ZNF469: variants seen among roughly 807,000 people sequenced by gnomAD.
ZNF469 encodes zinc finger protein 469.
A neutral mutation model predicts 1.0 loss-of-function variants in ZNF469; 1 was observed. That is an observed-to-expected ratio of 1.00 (90% CI 0.35 to 4.73). The LOEUF (loss-of-function observed/expected upper bound fraction) is 4.73. Among genes scored for constraint, ZNF469 ranks in the 30% most tolerant of loss-of-function variants. ZNF469 has a pLI of 0.16. For missense variants in ZNF469, 6,100 were observed against 5,356.3 expected (o/e 1.14, Z -4.33); for synonymous variants, 2,703 against 2,363.4 (o/e 1.14, Z -4.17).
chr16:88,166,676 C>T, the ZNF469 span, among the ~76,000 whole-genome samples: 2 of 151,876 alleles, frequency 1.3e-5, no homozygotes, highest in East Asian at 1.9e-4. This position sits in a 1 kb window ranked among gnomAD's most constrained non-coding sequence, Gnocchi z 4.5. Context: ...CCATCGATAG[C>T]GCCACTGGGT....
chr16:88,160,867 G>A, the ZNF469 span, among the ~76,000 whole-genome samples: 819 of 152,350 alleles, frequency 5.4e-3, 10 homozygotes, highest in African/African-American at 0.019. Context: ...TAAAGGCCAG[G>A]TGCGATGGCT....
chr16:88,256,481 T>C, the ZNF469 span, among the ~76,000 whole-genome samples: 1 of 152,222 alleles, frequency 6.6e-6, no homozygotes, highest in Non-Finnish European at 1.5e-5. Flanking sequence ...TGCTCCCACA[T>C]TTTGGCCACA....
At chr16:88,422,465 TGATG>T (rs1269640095) in intron 1 of ZNF469, among the ~76,000 whole-genome samples, 4 of 74,490 alleles carry the variant, frequency 5.4e-5, no homozygotes, top group Non-Finnish European at 1.1e-4. Flanking sequence ...GGTGGATGGG[TGATG>T]GATGGATGGG....
At chr16:88,128,524 T>C in the ZNF469 span, among the ~76,000 whole-genome samples, 2 of 152,268 alleles carry the variant, frequency 1.3e-5, no homozygotes, top group Admixed American at 1.3e-4. Context: ...GCTTAGAGGG[T>C]GCTCCACCTG....
chr16:88,414,472 G>A (rs1001935130), intron 1 of ZNF469, among the ~76,000 whole-genome samples: 1 of 152,252 alleles, frequency 6.6e-6, no homozygotes, highest in African/African-American at 2.4e-5. Flanking sequence ...GGATGCTGTG[G>A]CGCCGGGATT....
At chr16:88,229,640 T>TGGATGTAACGC in the ZNF469 span, among the ~76,000 whole-genome samples, 4 of 125,590 alleles carry the variant, frequency 3.2e-5, no homozygotes, top group Middle Eastern at 4.2e-3. Flanking sequence ...ATGTCACGTG[T>TGGATGTAACGC]GTGTGCTGAT....
chr16:88,250,089 A>T, the ZNF469 span, among the ~76,000 whole-genome samples: 1 of 152,278 alleles, frequency 6.6e-6, no homozygotes, highest in South Asian at 2.1e-4. Flanking sequence ...ATGTATGTGC[A>T]GAAAAGCGAA....
chr16:88,108,196 T>C, the ZNF469 span, among the ~76,000 whole-genome samples: 1 of 128,760 alleles, frequency 7.8e-6, no homozygotes. Flanking sequence ...TGCACATCTC[T>C]GGGGATCCCA....
At chr16:88,329,186 G>A in the ZNF469 span, among the ~76,000 whole-genome samples, 1 of 152,212 alleles carries the variant, frequency 6.6e-6, no homozygotes. Flanking sequence ...GAGCTGGGGA[G>A]TAACACGGCC....
chr16:88,353,513 C>T, the ZNF469 span, among the ~76,000 whole-genome samples: 4 of 152,220 alleles, frequency 2.6e-5, no homozygotes. Context: ...GGCCTTTGCG[C>T]ACAACGCCCT....
chr16:88,126,190 A>C, the ZNF469 span, among the ~76,000 whole-genome samples: 306 of 135,238 alleles, frequency 2.3e-3, 1 homozygote, highest in African/African-American at 8.7e-3. Flanking sequence ...CTCCATCCCA[A>C]AAAAAAAAAA....
Position 88,433,516 on chromosome 16 carries a change from G to A in ZNF469, c.6046G>A (p.Ala2016Thr), listed in dbSNP as rs368679510. 2.1e-5 allele frequency: 32 copies of A among 1,550,258 alleles called. No homozygotes were observed. Among genetic ancestry groups the A allele is most frequent in the Middle Eastern group, 1.7e-4 (1 of 6,012 alleles). ...GVSPGGTDNH[A>T]SVNASPKTAL... is the part of the protein sequence containing the mutation. ...GAGCCCAGGGGGCACGGACAACCACGCCTCAGTCAATGCCAGTCCCAAAAC... is the reference window on the plus strand; with the variant it reads ...GAGCCCAGGGGGCACGGACAACCACACCTCAGTCAATGCCAGTCCCAAAAC... Residue 2016 changes from alanine to threonine, a missense_variant, in exon 3 of 3, where the codon GCC becomes ACC. Coordinates refer to ENST00000565624, the MANE Select transcript of ZNF469 (RefSeq NM_001367624.2).
At chr16:88,251,007 A>G in the ZNF469 span, among the ~76,000 whole-genome samples, 1 of 152,064 alleles carries the variant, frequency 6.6e-6, no homozygotes, top group Non-Finnish European at 1.5e-5. Context: ...CCTCCCAAGT[A>G]GCTGGGACTA....
At chr16:88,200,379 C>G in the ZNF469 span, among the ~76,000 whole-genome samples, 1 of 152,202 alleles carries the variant, frequency 6.6e-6, no homozygotes, top group Non-Finnish European at 1.5e-5. Context: ...GCTGAGAAAC[C>G]ACACGCTCCA....
chr16:88,158,761 G>C, the ZNF469 span, among the ~76,000 whole-genome samples: 1 of 143,042 alleles, frequency 7.0e-6, no homozygotes, highest in African/African-American at 2.6e-5. Flanking sequence ...CCTCCCTGGC[G>C]GGAAGCCAGG....
At chr16:88,293,124 A>AGAT in the ZNF469 span, among the ~76,000 whole-genome samples, 14 of 150,326 alleles carry the variant, frequency 9.3e-5, no homozygotes, top group Non-Finnish European at 2.1e-4. Context: ...GTGCACGAAT[A>AGAT]GATGCATGGA....
rs536657800 is a variant in ZNF469, at chr16:88,437,375, C to T, written c.9905C>T (p.Pro3302Leu). ...ACCGCCCTGGCTGACGCCGGCAGCCCGGGCCCCCCCAGGACGACCCCCAGC... is the reference window on the plus strand; with the variant it reads ...ACCGCCCTGGCTGACGCCGGCAGCCTGGGCCCCCCCAGGACGACCCCCAGC... ...SATALADAGS[P>L]GPPRTTPSPS... Residue 3302 changes from proline to leucine, a missense_variant, in exon 3 of 3, where the codon CCG becomes CTG. By Grantham distance (98) the Pro-to-Leu change is moderately conservative. Coordinates refer to ENST00000565624, the MANE Select transcript of ZNF469 (RefSeq NM_001367624.2). The T allele has an allele frequency of 4.5e-6, 7 of 1,538,792 alleles. No individual in the cohort carries two copies. The South Asian group carries it at 6.0e-5, about 13-fold the overall frequency.
At chr16:88,247,212 G>C in the ZNF469 span, among the ~76,000 whole-genome samples, 1 of 151,536 alleles carries the variant, frequency 6.6e-6, no homozygotes, top group African/African-American at 2.4e-5. Flanking sequence ...ATGAGTGAGG[G>C]AATAAGTGAG....
the ZNF469 span, among the ~76,000 whole-genome samples, chr16:88,297,322 G>A: frequency 2.0e-5 from 3 of 152,290 alleles, no homozygotes; most frequent in South Asian, 4.1e-4. Flanking sequence ...GCAGGGTCCC[G>A]CCAGGGATGA....
Sources: gnomAD v4.1 joint callset for allele counts (sites outside exome capture counted in the v4.1 genomes callset) on GRCh38, gnomAD v4.1.1 for gene constraint, Gnocchi (gnomAD v3.1) non-coding constraint, MANE v1.5 for transcripts, NCBI Gene and HGNC (gene_info 2026-07-23, HGNC 2026-07-21) for gene names.